Variants in AK5 observed in about 807,000 individuals in gnomAD.
AK5 encodes adenylate kinase 5.
In AK5, 27 loss-of-function variants were observed where a neutral mutation model predicts 69.5. The observed-to-expected ratio is 0.39, with a 90% CI of 0.29 to 0.54. AK5 has a LOEUF of 0.54. AK5 is among the 20% of genes least tolerant of loss of function. The probability of loss-of-function intolerance (pLI) is 0.71; values close to 1 mark genes in which losing one functional copy is unlikely to be tolerated. For missense variants in AK5, 531 were observed against 700.4 expected (o/e 0.76, Z 2.73); for synonymous variants, 260 against 244.4 (o/e 1.06, Z -0.60).
At chr1:77,500,301 G>T (rs1042391649) in intron 10 of AK5, among the ~76,000 whole-genome samples, 2 of 152,140 alleles carry the variant, frequency 1.3e-5, no homozygotes, top group African/African-American at 4.8e-5. Context: ...GCTTAGTAAA[G>T]TAGCACACGG....
chr1:77,301,817 C>T (rs1260452800), intron 5 of AK5, among the ~76,000 whole-genome samples: 1 of 152,234 alleles, frequency 6.6e-6, no homozygotes, highest in East Asian at 1.9e-4. Context: ...ACAGTACTCA[C>T]TGAACCACAG....
chr1:77,408,782 T>G lies in AK5; in HGVS notation c.892-2199T>G, dbSNP rs914858135. Among the ~76,000 whole-genome samples, 4 of 152,154 alleles carry G rather than the reference T, an allele frequency of 2.6e-5. No individual in the cohort carries two copies. The East Asian group carries it at 7.7e-4, about 29-fold the overall frequency. On this transcript the variant is annotated intron_variant, in intron 6 of 13. Transcript: ENST00000354567. ...TTCTTTTTTAATTTTTATTTTTGGT[T>G]TGGGGGCACATGTAAAGGTTTGTTA... is the stretch of plus-strand genomic sequence containing the variant.
intron 6 of AK5, among the ~76,000 whole-genome samples, chr1:77,351,175 C>T (rs1225969171): frequency 2.0e-5 from 3 of 152,162 alleles, no homozygotes; most frequent in Non-Finnish European, 4.4e-5. Context: ...GGGTGGATTG[C>T]TTGAGGCCAG....
chr1:77,300,103 T>C (rs546420949), intron 5 of AK5, among the ~76,000 whole-genome samples: 162 of 152,270 alleles, frequency 1.1e-3, no homozygotes, highest in Non-Finnish European at 1.9e-3. Flanking sequence ...CTGAAATTCC[T>C]ACTCATGTGA....
In AK5 at chr1:77,423,229, AAT is replaced by A. The variant is rs1377835583; in HGVS notation, c.1059+5516_1059+5517del. The stretch of plus-strand genomic sequence containing the variant: ...GAGCAAGACTCCGTCTAAAAAAAAA[AAT>A]AAAAAAAAAAGAAGAACTACTGTTG... On this transcript the variant is annotated intron_variant, in intron 8 of 13. Coordinates refer to ENST00000354567, the MANE Select transcript of AK5 (RefSeq NM_174858.3). Among the ~76,000 whole-genome samples, 7 of 131,302 alleles carry A rather than the reference AAT, an allele frequency of 5.3e-5. 1 individual carries two copies. In the East Asian group the frequency reaches 1.7e-3, roughly 31 times the overall value. 86.1% of individuals were successfully genotyped at this position (131,302 alleles called of 152,430 possible). A position where few individuals can be genotyped will look rare whatever the true frequency, so the allele number is the denominator to read the frequency against.
chr1:77,510,394 A>T (rs34186386), intron 10 of AK5, among the ~76,000 whole-genome samples: 25,504 of 152,064 alleles, frequency 0.17, 2,389 homozygotes, highest in Non-Finnish European at 0.18. Context: ...TATGACAAAT[A>T]TGCAATCACT....
chr1:77,407,843 C>A (rs1238647474), intron 6 of AK5, among the ~76,000 whole-genome samples: 1 of 152,046 alleles, frequency 6.6e-6, no homozygotes, highest in Non-Finnish European at 1.5e-5. Flanking sequence ...CCCTGCATAA[C>A]CAGTGTTTAG....
At chr1:77,314,572 G>C (rs1415981694) in intron 5 of AK5, 1 of 152,154 alleles carries the variant, frequency 6.6e-6, no homozygotes, top group African/African-American at 2.4e-5. Context: ...AATACATATA[G>C]TGTATGGTGA....
chr1:77,480,836 G>A (rs1474711367), intron 8 of AK5, among the ~76,000 whole-genome samples: 2 of 152,226 alleles, frequency 1.3e-5, no homozygotes, highest in Non-Finnish European at 2.9e-5. Context: ...CAAGGTCCCT[G>A]TCTTGAGCAG....
At chr1:77,540,916 T>TG (rs1659233930) in intron 13 of AK5, among the ~76,000 whole-genome samples, 1 of 152,028 alleles carries the variant, frequency 6.6e-6, no homozygotes, top group South Asian at 2.1e-4. Flanking sequence ...TTTGTTTCTT[T>TG]TTTTTTTAGA....
intron 12 of AK5, among the ~76,000 whole-genome samples, chr1:77,526,786 T>C (rs1239371121): frequency 6.6e-6 from 1 of 152,048 alleles, no homozygotes; most frequent in Non-Finnish European, 1.5e-5. Context: ...GTCTTTTTTT[T>C]TTTTTAATTG....
At chr1:77,300,788 A>G (rs1332192339) in intron 5 of AK5, among the ~76,000 whole-genome samples, 2 of 152,148 alleles carry the variant, frequency 1.3e-5, no homozygotes, top group African/African-American at 4.8e-5. Context: ...CAGTCTATAA[A>G]TTCAAGGTTT....
At chr1:77,517,610 CTAT>C (rs774023037) in intron 10 of AK5, among the ~76,000 whole-genome samples, 4 of 152,052 alleles carry the variant, frequency 2.6e-5, no homozygotes, top group Admixed American at 6.5e-5. Context: ...TAAAGGTCAG[CTAT>C]TATTATTATT....
At chr1:77,396,051 C>T (rs1257621635) in intron 6 of AK5, among the ~76,000 whole-genome samples, 1 of 152,146 alleles carries the variant, frequency 6.6e-6, no homozygotes, top group Non-Finnish European at 1.5e-5. Context: ...GTATGATCCA[C>T]AATTCAGAAA....
chr1:77,308,576 A>G (rs1266301693), intron 5 of AK5, among the ~76,000 whole-genome samples: 7 of 152,180 alleles, frequency 4.6e-5, no homozygotes, highest in East Asian at 1.9e-4. Flanking sequence ...CTGCTAGCCA[A>G]GATTTCACTA....
At chr1:77,408,216 A>G (rs189673272) in intron 6 of AK5, among the ~76,000 whole-genome samples, 97 of 152,292 alleles carry the variant, frequency 6.4e-4, no homozygotes, top group African/African-American at 2.2e-3. Context: ...TCCAAACTGC[A>G]TTCCACAGTG....
chr1:77,400,535 A>G (rs1239562738), intron 6 of AK5, among the ~76,000 whole-genome samples: 1 of 152,196 alleles, frequency 6.6e-6, no homozygotes, highest in Non-Finnish European at 1.5e-5. Flanking sequence ...TTGAGTGCTG[A>G]TGAAGATTCC....
intron 10 of AK5, 118 bp from the exon 11 acceptor site, chr1:77,518,446 C>G: frequency 9.3e-7 from 1 of 1,073,674 alleles, no homozygotes; most frequent in Non-Finnish European, 1.3e-6. Flanking sequence ...TAGCAAATCT[C>G]AAGTTCCCAA....
intron 5 of AK5, among the ~76,000 whole-genome samples, chr1:77,330,911 T>A (rs1557501770): frequency 1.3e-5 from 2 of 152,220 alleles, no homozygotes; most frequent in Non-Finnish European, 2.9e-5. Flanking sequence ...TTTTGTACCA[T>A]CCTTCATTAG....
Sources: allele counts gnomAD v4.1 joint callset (sites outside exome capture counted in the v4.1 genomes callset), GRCh38; gene constraint gnomAD v4.1.1; transcripts MANE v1.5; gene names NCBI Gene and HGNC (gene_info 2026-07-23, HGNC 2026-07-21).